Variants in FOXP1 observed in about 807,000 individuals in gnomAD.
FOXP1 encodes the protein forkhead box protein P1.
In FOXP1, 15 loss-of-function variants were observed where a neutral mutation model predicts 98.2. The ratio of observed to expected loss-of-function variants is 0.15; its 90% CI spans 0.10 to 0.24. The LOEUF is 0.24. Ranked by LOEUF, FOXP1 falls within the 10% of genes least tolerant of loss-of-function variation. The pLI, the probability that FOXP1 is intolerant of heterozygous loss-of-function variation, is 1.00. For missense variants in FOXP1, 633 were observed against 848.5 expected (o/e 0.75, Z 3.15); for synonymous variants, 371 against 314.5 (o/e 1.18, Z -1.90).
At chr3:71,415,152 T>C (rs993572196) in intron 3 of FOXP1, among the ~76,000 whole-genome samples, 4 of 152,198 alleles carry the variant, frequency 2.6e-5, no homozygotes, top group African/African-American at 9.6e-5. Context: ...AGAAAGTAAG[T>C]ATGCAATACC....
intron 5 of FOXP1, among the ~76,000 whole-genome samples, chr3:71,283,392 A>G (rs1368098083): frequency 6.6e-6 from 1 of 151,826 alleles, no homozygotes; most frequent in Non-Finnish European, 1.5e-5. Context: ...GCTTAAATGG[A>G]CACTACTGCA....
chr3:71,226,466 A>G (rs2065843279), intron 5 of FOXP1, among the ~76,000 whole-genome samples: 1 of 106,778 alleles, frequency 9.4e-6, no homozygotes, highest in South Asian at 2.9e-4. Flanking sequence ...CATCCTGAAA[A>G]TGCCCGTCAC....
intron 12 of FOXP1, among the ~76,000 whole-genome samples, chr3:71,014,011 A>G (rs2044067066): frequency 6.6e-6 from 1 of 152,242 alleles, no homozygotes; most frequent in Non-Finnish European, 1.5e-5. Context: ...AAGATGGATT[A>G]AAGACTTAAA....
chr3:71,050,219 G>C (rs926695140), intron 9 of FOXP1, among the ~76,000 whole-genome samples: 2 of 152,162 alleles, frequency 1.3e-5, no homozygotes, highest in Admixed American at 1.3e-4. Flanking sequence ...ATTTGGGAGA[G>C]GTAACTTTTA....
chr3:71,444,212 T>C (rs1318383209), intron 3 of FOXP1, among the ~76,000 whole-genome samples: 1 of 152,212 alleles, frequency 6.6e-6, no homozygotes, highest in Non-Finnish European at 1.5e-5. Flanking sequence ...CTAATGATTT[T>C]TGCTGCGCCT....
At chr3:71,080,437 T>C (rs927302557) in intron 7 of FOXP1, among the ~76,000 whole-genome samples, 5 of 152,216 alleles carry the variant, frequency 3.3e-5, no homozygotes, top group African/African-American at 1.2e-4. Flanking sequence ...TGCAACTGTG[T>C]CTGAAAGATC....
At chr3:71,460,728 C>T (rs556155293) in intron 3 of FOXP1, among the ~76,000 whole-genome samples, 29 of 152,236 alleles carry the variant, frequency 1.9e-4, no homozygotes, top group African/African-American at 5.8e-4. Context: ...CGTGAGCTAC[C>T]GCGCCTGGCC....
chr3:71,221,438 G>C (rs916427253), intron 5 of FOXP1, among the ~76,000 whole-genome samples: 1 of 152,176 alleles, frequency 6.6e-6, no homozygotes, highest in Non-Finnish European at 1.5e-5. Context: ...TAGAGAAGTG[G>C]AGGATGATAC....
At chr3:71,240,634 C>A (rs982539241) in intron 5 of FOXP1, among the ~76,000 whole-genome samples, 3 of 151,978 alleles carry the variant, frequency 2.0e-5, no homozygotes, top group African/African-American at 7.2e-5. Context: ...CCTCCGCCTC[C>A]GGGGTTCACG....
At chr3:71,480,033 T>C in intron 3 of FOXP1, among the ~76,000 whole-genome samples, 1 of 152,016 alleles carries the variant, frequency 6.6e-6, no homozygotes. Context: ...CTGTCTCTAC[T>C]AAAAATACAA....
At chr3:71,259,387 C>T (rs548363561) in intron 5 of FOXP1, among the ~76,000 whole-genome samples, 8 of 152,180 alleles carry the variant, frequency 5.3e-5, no homozygotes, top group Non-Finnish European at 7.3e-5. Context: ...AGAAGACATG[C>T]GTAAAGGATT....
intron 4 of FOXP1, among the ~76,000 whole-genome samples, chr3:71,311,990 T>G (rs1576914770): frequency 6.6e-6 from 1 of 152,136 alleles, no homozygotes; most frequent in African/African-American, 2.4e-5. Context: ...TAGAAACACA[T>G]TTAGAAAAGC....
At chr3:71,067,494 G>A (rs2052660484) in intron 7 of FOXP1, among the ~76,000 whole-genome samples, 1 of 152,172 alleles carries the variant, frequency 6.6e-6, no homozygotes, top group Non-Finnish European at 1.5e-5. Context: ...ATTTTGGATT[G>A]TGGGTGTTTT....
At chr3:71,116,462 G>A (rs970071008) in intron 6 of FOXP1, among the ~76,000 whole-genome samples, 5 of 152,108 alleles carry the variant, frequency 3.3e-5, no homozygotes, top group Non-Finnish European at 7.4e-5. Flanking sequence ...GCCCCCAAAT[G>A]AATAAACACA....
At position 70,976,925 on chromosome 3, in the gene FOXP1, G is replaced by A; in HGVS notation, c.1530+16C>T. The stretch of plus-strand genomic sequence containing the variant: ...AACGTCAAGATCCAAGAATAAACAG[G>A]CCTGAGAAAGCTTACCTTCCACGTG... On this transcript the variant is annotated intron_variant, in intron 17 of 20. Transcript: ENST00000649528. The A allele has an allele frequency of 1.3e-6, 2 of 1,581,594 alleles. No individual in the cohort carries two copies. Among genetic ancestry groups the A allele is most frequent in the Non-Finnish European group, 1.7e-6 (2 of 1,150,548 alleles).
chr3:71,087,563 T>C (rs2055273306), intron 7 of FOXP1, among the ~76,000 whole-genome samples: 1 of 152,232 alleles, frequency 6.6e-6, no homozygotes, highest in Non-Finnish European at 1.5e-5. Context: ...GACAAAGGCT[T>C]AAGAGTGTCT....
At chr3:70,969,000 C>A (rs1353544361) in intron 19 of FOXP1, 1 of 152,122 alleles carries the variant, frequency 6.6e-6, no homozygotes, top group Admixed American at 6.5e-5. Context: ...CAGTTTTGGG[C>A]TACTGAAGAA....
intron 2 of FOXP1, among the ~76,000 whole-genome samples, chr3:71,538,878 C>A (rs1442823436): frequency 2.0e-5 from 3 of 152,082 alleles, no homozygotes. Flanking sequence ...CAACTACATT[C>A]TTTTGCACGT....
rs78843727 is a variant in FOXP1 at position 71,013,078 on chromosome 3, T to C, written c.974+2471A>G. ...AAGGTAACACAAGTAAGGAATAGCATAGAAGCATTTCACTTCAGCTATGAG... is the reference window on the plus strand; with the variant it reads ...AAGGTAACACAAGTAAGGAATAGCACAGAAGCATTTCACTTCAGCTATGAG... On this transcript the variant is annotated intron_variant, in intron 12 of 20. Transcript: ENST00000649528. Among the ~76,000 whole-genome samples the C allele has an allele frequency of 9.8e-3, 1,494 of 152,290 alleles. 28 individuals are homozygous for C. Among genetic ancestry groups the C allele is most frequent in the African/African-American group, 0.034 (1,428 of 41,556 alleles).
Sources: allele counts gnomAD v4.1 joint callset (sites outside exome capture counted in the v4.1 genomes callset), GRCh38; gene constraint gnomAD v4.1.1; transcripts MANE v1.5; gene names NCBI Gene and HGNC (gene_info 2026-07-23, HGNC 2026-07-21).